PLD5: variants seen among roughly 807,000 people sequenced by gnomAD.
PLD5 encodes inactive phospholipase D5.
In PLD5, 36 loss-of-function variants were observed where a neutral mutation model predicts 61.1. The ratio of observed to expected loss-of-function variants is 0.59; its 90% confidence interval spans 0.45 to 0.78. The LOEUF (loss-of-function observed/expected upper bound fraction) is 0.78, where lower values mean the gene tolerates loss of function less well. PLD5 is among the 30% of genes least tolerant of loss of function. The pLI, the probability that PLD5 is intolerant of heterozygous loss-of-function variation, is 0.00. For missense variants in PLD5, 515 were observed against 644.4 expected (o/e 0.80, Z 2.17); for synonymous variants, 243 against 242.8 (o/e 1.00, Z -0.01).
intron 5 of PLD5, among the ~76,000 whole-genome samples, chr1:242,140,111 T>C (rs1048145736): frequency 2.0e-5 from 3 of 152,180 alleles, no homozygotes; most frequent in Admixed American, 1.3e-4. Context: ...GATGCCATCT[T>C]GAAGTAAAAC....
intron 2 of PLD5, among the ~76,000 whole-genome samples, chr1:242,337,929 C>A (rs1659620510): frequency 6.6e-6 from 1 of 152,098 alleles, no homozygotes; most frequent in Admixed American, 6.6e-5. Flanking sequence ...CGTTGGTTTG[C>A]AGAATCTTTT....
In PLD5 at chr1:242,305,582, C is replaced by T. The variant is rs191726179; in HGVS notation, c.327-17052G>A. Among the ~76,000 whole-genome samples, 575 of 151,948 alleles carry T rather than the reference C, an allele frequency of 3.8e-3. 6 individuals carry two copies. Among genetic ancestry groups the T allele is most frequent in the Middle Eastern group, 0.037 (11 of 294 alleles). ...TCTTATTTTTTTTTCTTTTTTGAGA[C>T]GGAGTCTTGCTCTGTCACCCAGGCT... On this transcript the variant is annotated intron_variant, in intron 2 of 9. Transcript: ENST00000536534.
intron 1 of PLD5, among the ~76,000 whole-genome samples, chr1:242,426,537 A>G (rs1300693446): frequency 6.6e-6 from 1 of 152,172 alleles, no homozygotes; most frequent in Admixed American, 6.5e-5. Flanking sequence ...CCACCACATT[A>G]CAACTATAAT....
rs540772993 is a variant in PLD5, at chr1:242,505,200, T to C, written c.189+18888A>G. Among the ~76,000 whole-genome samples the C allele has an allele frequency of 1.6e-4, 24 of 152,272 alleles. 1 individual carries two copies. The highest frequency in any genetic ancestry group is 3.6e-4 in the African/African-American group (15 of 41,548). ...AAAATTTGGAACATTAACAATAATA[T>C]GAAATTATACTGGTGGTTTGAAGCT... is the stretch of plus-strand genomic sequence containing the variant. On this transcript the variant is annotated intron_variant, in intron 1 of 9. Coordinates refer to ENST00000536534, the MANE Select transcript of PLD5 (RefSeq NM_001372062.1).
intron 5 of PLD5, among the ~76,000 whole-genome samples, chr1:242,194,038 C>G (rs1268246215): frequency 6.6e-6 from 1 of 152,126 alleles, no homozygotes; most frequent in Non-Finnish European, 1.5e-5. Context: ...CTCCTTGACC[C>G]ATCCGCAGTG....
intron 5 of PLD5, among the ~76,000 whole-genome samples, chr1:242,177,147 T>C (rs1243160045): frequency 6.6e-6 from 1 of 151,944 alleles, no homozygotes; most frequent in Non-Finnish European, 1.5e-5. Context: ...GCAGCACTGT[T>C]CACAGTAGCA....
chr1:242,293,534 T>C (rs1053103001), intron 2 of PLD5, among the ~76,000 whole-genome samples: 2 of 152,190 alleles, frequency 1.3e-5, no homozygotes, highest in African/African-American at 4.8e-5. Context: ...TAGATATGAA[T>C]AGGAAAAAAT....
chr1:242,381,346 G>C (rs1483107539), intron 1 of PLD5, among the ~76,000 whole-genome samples: 2 of 151,986 alleles, frequency 1.3e-5, no homozygotes, highest in Non-Finnish European at 2.9e-5. Context: ...GGAGCTGAAC[G>C]ATACATGGAC....
At chr1:242,196,632 T>C (rs921936405) in intron 5 of PLD5, among the ~76,000 whole-genome samples, 6 of 152,218 alleles carry the variant, frequency 3.9e-5, no homozygotes, top group African/African-American at 1.2e-4. Context: ...ATTCACAATA[T>C]ATTGATTACA....
intron 2 of PLD5, among the ~76,000 whole-genome samples, chr1:242,302,468 A>C (rs1676111774): frequency 6.6e-6 from 1 of 152,206 alleles, no homozygotes; most frequent in South Asian, 2.1e-4. Flanking sequence ...CTGTAATCCA[A>C]GCATTTTTGG....
At position 242,212,604 on chromosome 1, in the gene PLD5, G is replaced by A. The variant is rs147293074; in HGVS notation, c.735+7384C>T. On this transcript the variant is annotated intron_variant, in intron 5 of 9. Coordinates refer to ENST00000536534, the MANE Select transcript of PLD5 (RefSeq NM_001372062.1). ...AAGGTTTGTGCAGCAGGCAGCAGCC[G>A]CCAGGCAGCGGGGTGGAGGAAGGAG... Among the ~76,000 whole-genome samples the A allele has an allele frequency of 3.9e-5, 6 of 152,200 alleles. No individual in the cohort carries two copies. In the South Asian group the frequency reaches 6.2e-4, roughly 16 times the overall value.
intron 2 of PLD5, among the ~76,000 whole-genome samples, chr1:242,301,407 A>G (rs532297903): frequency 6.6e-6 from 1 of 152,190 alleles, no homozygotes; most frequent in East Asian, 1.9e-4. Flanking sequence ...CCACTTTGGC[A>G]AAAGGATTAT....
chr1:242,186,992 C>T (rs1574476762), intron 5 of PLD5, among the ~76,000 whole-genome samples: 2 of 152,174 alleles, frequency 1.3e-5, no homozygotes, highest in South Asian at 4.1e-4. Context: ...GTAATACATG[C>T]ATATTATCCT....
intron 2 of PLD5, among the ~76,000 whole-genome samples, chr1:242,317,077 G>A (rs1040801707): frequency 1.0e-4 from 15 of 149,686 alleles, no homozygotes; most frequent in African/African-American, 3.7e-4. Context: ...ATGCAATCTT[G>A]GCTCACTGCA....
chr1:242,232,523 T>C (rs546789953), intron 4 of PLD5, among the ~76,000 whole-genome samples: 1 of 152,216 alleles, frequency 6.6e-6, no homozygotes, highest in Non-Finnish European at 1.5e-5. Context: ...CATTTTTTTT[T>C]TCTCTTTGAG....
At chr1:242,174,931 T>C (rs1261912760) in intron 5 of PLD5, among the ~76,000 whole-genome samples, 3 of 152,068 alleles carry the variant, frequency 2.0e-5, no homozygotes, top group African/African-American at 7.2e-5. Flanking sequence ...TTAGGAGATA[T>C]ACCTAATGTA....
chr1:242,358,890 G>C (rs1229086472), intron 1 of PLD5, among the ~76,000 whole-genome samples: 1 of 152,248 alleles, frequency 6.6e-6, no homozygotes, highest in Non-Finnish European at 1.5e-5. Flanking sequence ...GGCAGATCTA[G>C]TGTCTACTTG....
At chr1:242,356,679 G>A (rs1488971274) in intron 1 of PLD5, among the ~76,000 whole-genome samples, 1 of 151,184 alleles carries the variant, frequency 6.6e-6, no homozygotes, top group Non-Finnish European at 1.5e-5. Flanking sequence ...ATGGTGTATG[G>A]TTTCCTTAGT....
In PLD5 at chr1:242,393,643, T is replaced by A. The variant is rs1011221813; in HGVS notation, c.190-45401A>T. 1.9e-5 allele frequency among the ~76,000 whole-genome samples: 2 copies of A among 105,894 alleles called. 1 individual carries two copies. The highest frequency in any genetic ancestry group is 8.3e-5 in the African/African-American group (2 of 24,230). The allele number at this position is 105,894 out of a possible 152,430, so 69.5% of individuals were successfully genotyped here. On this transcript the variant is annotated intron_variant, in intron 1 of 9. Coordinates refer to ENST00000536534, the MANE Select transcript of PLD5 (RefSeq NM_001372062.1). Reference sequence around the variant, plus strand: ...ATATATATGAGTATATATATGTGTATATATATGAGTATATATGTGTATATA... The same window carrying A: ...ATATATATGAGTATATATATGTGTAAATATATGAGTATATATGTGTATATA...
Sources: allele counts gnomAD v4.1 joint callset (sites outside exome capture counted in the v4.1 genomes callset), GRCh38; gene constraint gnomAD v4.1.1; transcripts MANE v1.5; gene names NCBI Gene and HGNC (gene_info 2026-07-23, HGNC 2026-07-21).